Variants in CNTNAP2 observed in about 807,000 individuals in gnomAD.
CNTNAP2 encodes the protein contactin associated protein 2.
Under a neutral mutation model 155.2 loss-of-function variants are expected in CNTNAP2, and 98 were observed. That is an observed-to-expected ratio of 0.63 (90% CI 0.54 to 0.75). The LOEUF is 0.75. CNTNAP2 is among the 30% of genes least tolerant of loss of function. The pLI is 0.00. For synonymous variants in CNTNAP2, 651 were observed against 631.2 expected (o/e 1.03, Z -0.47); for missense variants, 1,727 against 1,688.1 (o/e 1.02, Z -0.40).
intron 1 of CNTNAP2, among the ~76,000 whole-genome samples, chr7:146,132,826 G>T (rs1271990506): frequency 6.7e-6 from 1 of 148,922 alleles, no homozygotes; most frequent in Non-Finnish European, 1.5e-5. Flanking sequence ...TGGACATTTG[G>T]GTTGGTTCCA....
chr7:146,917,006 G>T (rs1796407562), intron 3 of CNTNAP2, among the ~76,000 whole-genome samples: 2 of 152,062 alleles, frequency 1.3e-5, no homozygotes, highest in African/African-American at 4.8e-5. Context: ...CAGAGGTTTT[G>T]ATACGTTGTG....
intron 14 of CNTNAP2, among the ~76,000 whole-genome samples, chr7:147,929,994 G>A (rs1173815282): frequency 2.0e-5 from 3 of 152,206 alleles, no homozygotes; most frequent in South Asian, 2.1e-4. Flanking sequence ...GACAAGAGGC[G>A]GAGCTCAGGC....
In CNTNAP2 at chr7:146,451,544, G is replaced by A. The variant is rs1030174582; in HGVS notation, c.98-322727G>A. On this transcript the variant is annotated intron_variant, in intron 1 of 23. Transcript: ENST00000361727. ...TGAACTCAAATAGGCTGCACATTAGGTATAGTGCTCTGCTGTCACTGTCTT... is the reference window on the plus strand; with the variant it reads ...TGAACTCAAATAGGCTGCACATTAGATATAGTGCTCTGCTGTCACTGTCTT... 3.9e-5 allele frequency among the ~76,000 whole-genome samples: 6 copies of A among 152,044 alleles called. No individual in the cohort carries two copies. The South Asian group carries it at 6.2e-4, about 16-fold the overall frequency.
intron 18 of CNTNAP2, among the ~76,000 whole-genome samples, chr7:148,175,485 A>T (rs896584982): frequency 2.6e-5 from 4 of 152,254 alleles, no homozygotes; most frequent in Admixed American, 2.6e-4. Context: ...GTCCCTGAGA[A>T]TCTCAATACA....
At chr7:147,449,760 A>G (rs1797799964) in intron 10 of CNTNAP2, among the ~76,000 whole-genome samples, 1 of 152,226 alleles carries the variant, frequency 6.6e-6, no homozygotes, top group South Asian at 2.1e-4. Context: ...CTTCTTCCCT[A>G]CACAAGTGAC....
intron 1 of CNTNAP2, among the ~76,000 whole-genome samples, chr7:146,387,176 T>C (rs914515009): frequency 2.0e-5 from 3 of 152,314 alleles, no homozygotes; most frequent in Middle Eastern, 3.4e-3. Flanking sequence ...ATAATGCCCA[T>C]GTGTTTTTCT....
intron 19 of CNTNAP2, among the ~76,000 whole-genome samples, chr7:148,218,909 C>A (rs1433689597): frequency 6.8e-6 from 1 of 146,172 alleles, no homozygotes; most frequent in East Asian, 2.0e-4. Context: ...AAAATGAACT[C>A]ATATACCTTA....
intron 21 of CNTNAP2, among the ~76,000 whole-genome samples, chr7:148,311,503 A>G (rs1797595368): frequency 6.6e-6 from 1 of 152,160 alleles, no homozygotes; most frequent in Non-Finnish European, 1.5e-5. Flanking sequence ...CGTCAGGGTG[A>G]AAGTACTGGA....
intron 3 of CNTNAP2, among the ~76,000 whole-genome samples, chr7:146,872,841 G>C (rs1562981666): frequency 6.6e-6 from 1 of 152,170 alleles, no homozygotes; most frequent in African/African-American, 2.4e-5. Context: ...CATGCAAATG[G>C]TTCAGTGTTA....
At chr7:146,928,687 G>T (rs910519819) in intron 3 of CNTNAP2, among the ~76,000 whole-genome samples, 1 of 152,242 alleles carries the variant, frequency 6.6e-6, no homozygotes, top group African/African-American at 2.4e-5. Flanking sequence ...CCTAGTCAAA[G>T]AAAGGGGTGA....
chr7:147,420,354 T>C (rs1198294000), intron 10 of CNTNAP2, among the ~76,000 whole-genome samples: 1 of 152,160 alleles, frequency 6.6e-6, no homozygotes, highest in Non-Finnish European at 1.5e-5. Context: ...AGTACCACAA[T>C]TGGTGACATT....
chr7:147,374,891 T>A (rs1345993481), intron 9 of CNTNAP2, among the ~76,000 whole-genome samples: 3 of 152,026 alleles, frequency 2.0e-5, no homozygotes, highest in Non-Finnish European at 4.4e-5. Flanking sequence ...TCATCCTTGA[T>A]ATGATTTGGC....
intron 11 of CNTNAP2, among the ~76,000 whole-genome samples, chr7:147,487,149 T>A (rs1798524353): frequency 6.6e-6 from 1 of 152,168 alleles, no homozygotes; most frequent in African/African-American, 2.4e-5. Context: ...AGAAATCGTG[T>A]TTTGAATATA....
chr7:146,433,602 T>G (rs2535748), intron 1 of CNTNAP2, among the ~76,000 whole-genome samples: 64,903 of 151,672 alleles, frequency 0.43, 16,757 homozygotes, highest in African/African-American at 0.73. Context: ...TTCATCTATA[T>G]CATAGTGGAG....
In CNTNAP2 at chr7:147,782,779, C is replaced by T. The variant is rs202170708; in HGVS notation, c.2099-120786C>T. Among the ~76,000 whole-genome samples the T allele has an allele frequency of 2.1e-4, 32 of 152,192 alleles. No homozygotes were observed. The East Asian group carries it at 2.9e-3, about 14-fold the overall frequency. On this transcript the variant is annotated intron_variant, in intron 13 of 23. Coordinates refer to ENST00000361727, the MANE Select transcript of CNTNAP2 (RefSeq NM_014141.6). ...TCTGAACCATAATCATTGCTCCACC[C>T]GCTAATTTTACTCTCTCTCTCCTCT...
chr7:147,671,512 T>A (rs1036593157), intron 13 of CNTNAP2, among the ~76,000 whole-genome samples: 5 of 138,570 alleles, frequency 3.6e-5, no homozygotes, highest in Admixed American at 1.9e-4. Context: ...GAAAAAGAAA[T>A]TTTTTTTTGG....
chr7:146,151,672 A>ATATATG (rs1798048813), intron 1 of CNTNAP2, among the ~76,000 whole-genome samples: 1 of 41,818 alleles, frequency 2.4e-5, no homozygotes, highest in Non-Finnish European at 4.6e-5. Flanking sequence ...ATATATATAT[A>ATATATG]TATATATATG....
chr7:146,461,541 A>G (rs1796637695), intron 1 of CNTNAP2, among the ~76,000 whole-genome samples: 1 of 152,248 alleles, frequency 6.6e-6, no homozygotes, highest in African/African-American at 2.4e-5. Context: ...TTAAATTTTT[A>G]AAATAAATGT....
chr7:147,653,860 G>T (rs1443635112), intron 13 of CNTNAP2, among the ~76,000 whole-genome samples: 1 of 152,140 alleles, frequency 6.6e-6, no homozygotes, highest in African/African-American at 2.4e-5. Flanking sequence ...AGATATTTAA[G>T]CCTACCTAGA....
Sources: gnomAD v4.1 joint callset for allele counts (sites outside exome capture counted in the v4.1 genomes callset) on GRCh38, gnomAD v4.1.1 for gene constraint, MANE v1.5 for transcripts, NCBI Gene and HGNC (gene_info 2026-07-23, HGNC 2026-07-21) for gene names.